FBN3: variants seen among roughly 807,000 people sequenced by gnomAD.
FBN3 encodes the protein fibrillin-3.
Under a neutral mutation model 330.1 loss-of-function variants are expected in FBN3, and 234 were observed. The observed-to-expected ratio is 0.71, with a 90% CI of 0.64 to 0.79. The LOEUF (loss-of-function observed/expected upper bound fraction) is 0.79, where lower values mean the gene tolerates loss of function less well. FBN3 is among the 30% of genes least tolerant of loss of function. The pLI is 0.00. For synonymous variants in FBN3, 1,458 were observed against 1,517.3 expected (o/e 0.96, Z 0.91); for missense variants, 3,606 against 3,886.9 (o/e 0.93, Z 1.92).
At chr19:8,077,945 C>T (rs960320575) in intron 59 of FBN3, among the ~76,000 whole-genome samples, 11 of 147,664 alleles carry the variant, frequency 7.4e-5, no homozygotes, top group African/African-American at 2.3e-4. Context: ...GGCGTGGTGG[C>T]ACACACCTGT....
At chr19:8,076,434 G>A (rs879634481) in intron 59 of FBN3, among the ~76,000 whole-genome samples, 2 of 152,030 alleles carry the variant, frequency 1.3e-5, no homozygotes, top group Non-Finnish European at 2.9e-5. Flanking sequence ...TCAGGAGTTC[G>A]AGATCAGCCT....
intron 54 of FBN3, 35 bp downstream of exon 54, chr19:8,087,042 G>C: frequency 6.3e-7 from 1 of 1,589,384 alleles, no homozygotes; most frequent in Non-Finnish European, 8.5e-7. Context: ...TCCACAAGGA[G>C]TTTCCTGCAC....
chr19:8,120,106 G>A (rs999522691), intron 25 of FBN3, among the ~76,000 whole-genome samples: 12 of 151,008 alleles, frequency 7.9e-5, no homozygotes, highest in South Asian at 4.2e-4. Context: ...CCTTTTAAGG[G>A]CTTCTGACAG....
chr19:8,117,003 A>G (rs1215063540), intron 28 of FBN3, among the ~76,000 whole-genome samples, 166 bp downstream of exon 28: 4 of 152,104 alleles, frequency 2.6e-5, no homozygotes, highest in African/African-American at 9.7e-5. Flanking sequence ...GCTCTCCCAC[A>G]GGGTGAGCAG....
chr19:8,135,935 T>TTGGGGGGGGGGGGGGGGC, intron 13 of FBN3, 26 bp downstream of exon 13: 194 of 1,344,130 alleles, frequency 1.4e-4, no homozygotes, highest in Non-Finnish European at 1.8e-4. Flanking sequence ...CGGAAGCCCC[T>TTGGGGGGGGGGGGGGGGC]GCCCACCCGC....
At position 8,116,706 on chromosome 19, in the gene FBN3, A is replaced by C; in HGVS notation, c.3680T>G (p.Phe1227Cys). The C allele has an allele frequency of 2.5e-6, 4 of 1,613,734 alleles. No homozygotes were observed. The highest frequency in any genetic ancestry group is 3.4e-6 in the Non-Finnish European group (4 of 1,179,832). The change falls in exon 29 of 64, where the codon TTC (phenylalanine) becomes TGC (cysteine). Residue 1227 changes from phenylalanine (F) to cysteine (C), a missense_variant. By Grantham distance (205) the Phe-to-Cys change is radical. Coordinates refer to ENST00000600128, the MANE Select transcript of FBN3 (RefSeq NM_032447.5). ...TGTCCTCATGTCTGGCGTGGCCATG[A>C]AGCCATCATAGCACAGGCAGCGGTG... ...GGHRCLCYDG[F>C]MATPDMRTCV...
intron 59 of FBN3, among the ~76,000 whole-genome samples, chr19:8,080,018 C>T (rs1344850662): frequency 1.3e-5 from 2 of 152,204 alleles, no homozygotes; most frequent in Admixed American, 6.5e-5. Context: ...TAACAGGGCC[C>T]GACAAACCAT....
intron 13 of FBN3, among the ~76,000 whole-genome samples, chr19:8,135,281 A>AT (rs1268403092): frequency 1.3e-4 from 19 of 151,580 alleles, no homozygotes; most frequent in African/African-American, 4.6e-4. Context: ...CATAAAAAAA[A>AT]ATTTTTTTTT....
At chr19:8,116,980 A>G (rs2082719545) in intron 28 of FBN3, among the ~76,000 whole-genome samples, 181 bp from the exon 29 acceptor site, 1 of 152,116 alleles carries the variant, frequency 6.6e-6, no homozygotes, top group Admixed American at 6.5e-5. Flanking sequence ...CCTCCTCTGC[A>G]AAAATCCCAG....
At chr19:8,126,093 A>T in intron 21 of FBN3, 76 bp from the exon 22 acceptor site, 1 of 1,599,148 alleles carries the variant, frequency 6.3e-7, no homozygotes, top group South Asian at 1.1e-5. Flanking sequence ...TGGGGTCTCA[A>T]GTTGTCCTTG....
rs1272743716 is a variant in FBN3, at chr19:8,083,494, C to T, written c.7088-122G>A. ...GGAAAGTCCAGCCTCCCTTCCACAC[C>T]GGCCACTGCACCCCAGCCCACGTGG... On this transcript the variant is annotated intron_variant, in intron 56 of 63. Transcript: ENST00000600128. 3.5e-5 allele frequency: 41 copies of T among 1,185,428 alleles called. No homozygotes were observed. In the East Asian group the frequency reaches 6.3e-4, roughly 18 times the overall value. 73.4% of individuals were successfully genotyped at this position (1,185,428 alleles called of 1,614,324 possible).
At chr19:8,067,807 G>A (rs1417109256) in intron 63 of FBN3, among the ~76,000 whole-genome samples, 1 of 152,098 alleles carries the variant, frequency 6.6e-6, no homozygotes. Flanking sequence ...GCTACGAAAA[G>A]ACATGAAGTT....
At chr19:8,089,852 G>A in intron 50 of FBN3, 42 bp downstream of exon 50, 1 of 1,563,390 alleles carries the variant, frequency 6.4e-7, no homozygotes, top group Non-Finnish European at 8.7e-7. Flanking sequence ...ATGGATCTGG[G>A]TGGCCCAGAA....
intron 18 of FBN3, among the ~76,000 whole-genome samples, chr19:8,128,021 AT>A (rs992896241): frequency 2.0e-4 from 31 of 152,172 alleles, no homozygotes; most frequent in African/African-American, 6.5e-4. Flanking sequence ...AATAAAAAAA[AT>A]AAAGGATATT....
In FBN3 at chr19:8,066,050, G is replaced by A; in HGVS notation, c.8299C>T (p.Arg2767Trp). The A allele has an allele frequency of 3.7e-6, 6 of 1,613,216 alleles. No homozygotes were observed. The highest frequency in any genetic ancestry group is 3.3e-4 in the Middle Eastern group (2 of 6,062). The change falls in exon 64 of 64, where the codon CGG (arginine) becomes TGG (tryptophan). Residue 2767 changes from arginine to tryptophan, a missense_variant. Physicochemically the swap from Arg to Trp is moderately radical, Grantham distance 101. Transcript: ENST00000600128. ...GVSSLQLGRR[R>W]PGPGTYRLEV... ...AGCCGGTAGGTTCCAGGCCCCGGCC[G>A]CCTCCGCCCCAGCTGCAGGGAGCTG...
At chr19:8,126,436 G>T in intron 20 of FBN3, 32 bp downstream of exon 20, 1 of 1,602,190 alleles carries the variant, frequency 6.2e-7, no homozygotes, top group Admixed American at 1.7e-5. Flanking sequence ...CTTTTCCCAT[G>T]GGTGCCTGGG....
intron 47 of FBN3, 29 bp from the exon 48 acceptor site, chr19:8,091,619 G>A (rs2082097479): frequency 6.2e-7 from 1 of 1,611,870 alleles, no homozygotes; most frequent in African/African-American, 1.3e-5. Context: ...GAGCTGGGTG[G>A]GGGGCAAGTA....
intron 38 of FBN3, among the ~76,000 whole-genome samples, chr19:8,104,167 A>G (rs774094880): frequency 1.5e-4 from 4 of 26,682 alleles, no homozygotes; most frequent in South Asian, 3.0e-3. Context: ...CATTAAGTGA[A>G]AAAAAAAAAA....
chr19:8,135,936 G>GGGGGGGGGGGCGCCCCCC, intron 13 of FBN3, 25 bp downstream of exon 13: 1 of 668,778 alleles, frequency 1.5e-6, no homozygotes, highest in Non-Finnish European at 2.4e-6. Context: ...GGAAGCCCCT[G>GGGGGGGGGGGCGCCCCCC]CCCACCCGCC....
Sources: gnomAD v4.1 joint callset for allele counts (sites outside exome capture counted in the v4.1 genomes callset) on GRCh38, gnomAD v4.1.1 for gene constraint, MANE v1.5 for transcripts, NCBI Gene and HGNC (gene_info 2026-07-23, HGNC 2026-07-21) for gene names.